Variants in CNTN5 observed in about 807,000 individuals in gnomAD.
The protein encoded by CNTN5 is contactin 5.
CNTN5 carries 77 observed loss-of-function variants against 129.1 expected under a neutral mutation model. That is an observed-to-expected ratio of 0.60 (90% CI 0.50 to 0.72). CNTN5 has a LOEUF of 0.72. Among genes scored for constraint, CNTN5 ranks in the 30% least tolerant of loss-of-function variants. The pLI, the probability that CNTN5 is intolerant of heterozygous loss-of-function variation, is 0.00. For synonymous variants in CNTN5, 509 were observed against 465.6 expected (o/e 1.09, Z -1.20); for missense variants, 1,478 against 1,328.8 (o/e 1.11, Z -1.75).
At chr11:99,286,042 A>G (rs1481708839) in intron 1 of CNTN5, among the ~76,000 whole-genome samples, 2 of 143,514 alleles carry the variant, frequency 1.4e-5, no homozygotes, top group Admixed American at 6.9e-5. Context: ...CATCTGGAGA[A>G]AAAAAAAAAA....
intron 1 of CNTN5, among the ~76,000 whole-genome samples, chr11:99,071,159 A>C (rs1865325749): frequency 6.6e-6 from 1 of 152,130 alleles, no homozygotes; most frequent in South Asian, 2.1e-4. Flanking sequence ...CTGCATTTAT[A>C]AGTGTGGAAA....
intron 10 of CNTN5, among the ~76,000 whole-genome samples, chr11:100,063,697 A>T (rs941413271): frequency 7.5e-6 from 1 of 133,772 alleles, no homozygotes; most frequent in African/African-American, 2.8e-5. Context: ...TAGCAGCTGA[A>T]CCTGTCTCTA....
At chr11:100,019,563 A>G (rs1160737995) in intron 9 of CNTN5, among the ~76,000 whole-genome samples, 1 of 151,920 alleles carries the variant, frequency 6.6e-6, no homozygotes, top group East Asian at 1.9e-4. Flanking sequence ...CATTATGTAT[A>G]TATATCACCT....
chr11:99,644,818 A>T (rs1951892205), intron 3 of CNTN5, among the ~76,000 whole-genome samples: 1 of 152,110 alleles, frequency 6.6e-6, no homozygotes, highest in Non-Finnish European at 1.5e-5. Flanking sequence ...ACACTAAAGG[A>T]ACTATACAAC....
At chr11:99,297,839 T>C (rs1864455273) in intron 1 of CNTN5, among the ~76,000 whole-genome samples, 1 of 152,128 alleles carries the variant, frequency 6.6e-6, no homozygotes, top group South Asian at 2.1e-4. Context: ...CCCTGCAATA[T>C]TAGCGCTTAC....
At chr11:99,145,129 G>T (rs1174853753) in intron 1 of CNTN5, among the ~76,000 whole-genome samples, 5 of 152,104 alleles carry the variant, frequency 3.3e-5, no homozygotes, top group Non-Finnish European at 5.9e-5. Flanking sequence ...GAGTGCAGTG[G>T]TGTGATCTCA....
chr11:99,172,914 G>C (rs1396133727), intron 1 of CNTN5, among the ~76,000 whole-genome samples: 3 of 152,180 alleles, frequency 2.0e-5, no homozygotes, highest in Admixed American at 2.0e-4. Flanking sequence ...TGCTTATAAA[G>C]ATATACCCGA....
chr11:99,116,322 A>G (rs1858043722), intron 1 of CNTN5, among the ~76,000 whole-genome samples: 1 of 152,190 alleles, frequency 6.6e-6, no homozygotes, highest in Non-Finnish European at 1.5e-5. Flanking sequence ...CACTGTGAAT[A>G]GTAGATTAAC....
At chr11:100,007,484 A>G (rs3909276) in intron 9 of CNTN5, among the ~76,000 whole-genome samples, 56,790 of 152,034 alleles carry the variant, frequency 0.37, 12,013 homozygotes, top group African/African-American at 0.57. Context: ...AAGTTTTCAC[A>G]TCAGCACTTG....
At position 99,235,041 on chromosome 11, in the gene CNTN5, C is replaced by T. The variant is rs540965996; in HGVS notation, c.-209-90305C>T. ...TATAACACAAAGGAGGAAATGAAAC[C>T]TACCCTTTTTCTTTTTTTGGAAATC... On this transcript the variant is annotated intron_variant, in intron 1 of 24. Transcript: ENST00000524871. Among the ~76,000 whole-genome samples the T allele has an allele frequency of 2.8e-4, 21 of 74,960 alleles. 1 individual carries two copies. In the South Asian group the frequency reaches 0.01, roughly 36 times the overall value. 49.2% of individuals were successfully genotyped at this position (74,960 alleles called of 152,430 possible). A position where few individuals can be genotyped will look rare whatever the true frequency, so the allele number is the denominator to read the frequency against.
In CNTN5 at chr11:99,553,991, CACACAT is replaced by C. The variant is rs1444905907; in HGVS notation, c.-70-2148_-70-2143del. ...ACACACACACACACACACACACACA[CACACAT>C]ACACACACACACACTTCTTCTTTTA... On this transcript the variant is annotated intron_variant, in intron 2 of 24. Coordinates refer to ENST00000524871, the MANE Select transcript of CNTN5 (RefSeq NM_014361.4). 5.6e-3 allele frequency among the ~76,000 whole-genome samples: 569 copies of C among 101,278 alleles called. 1 individual carries two copies. Among genetic ancestry groups the C allele is most frequent in the African/African-American group, 0.02 (490 of 24,110 alleles). 66.4% of individuals were successfully genotyped at this position (101,278 alleles called of 152,430 possible).
intron 3 of CNTN5, among the ~76,000 whole-genome samples, chr11:99,658,430 T>G (rs1952462514): frequency 6.6e-6 from 1 of 152,070 alleles, no homozygotes; most frequent in African/African-American, 2.4e-5. Flanking sequence ...AAATTTTATA[T>G]TCCAGTTTTT....
intron 3 of CNTN5, among the ~76,000 whole-genome samples, chr11:99,635,504 C>A (rs941062773): frequency 6.6e-6 from 1 of 151,768 alleles, no homozygotes; most frequent in African/African-American, 2.4e-5. Flanking sequence ...ACAAATTGAG[C>A]CTACTACATA....
chr11:99,482,391 A>G (rs565437007), intron 2 of CNTN5, among the ~76,000 whole-genome samples: 3 of 152,298 alleles, frequency 2.0e-5, no homozygotes, highest in South Asian at 2.1e-4. Flanking sequence ...CTTCTCAACT[A>G]GTATCATTTT....
chr11:100,177,072 A>G (rs973433641), intron 13 of CNTN5, among the ~76,000 whole-genome samples: 1 of 152,222 alleles, frequency 6.6e-6, no homozygotes, highest in Non-Finnish European at 1.5e-5. Context: ...AAGAGTGATC[A>G]GATTTGTAAT....
At chr11:100,091,948 T>A (rs1213052230) in intron 13 of CNTN5, among the ~76,000 whole-genome samples, 1 of 151,958 alleles carries the variant, frequency 6.6e-6, no homozygotes, top group African/African-American at 2.4e-5. Flanking sequence ...GTGTAGATGG[T>A]AATAGCTCAA....
chr11:99,511,034 G>A (rs1946815125), intron 2 of CNTN5, among the ~76,000 whole-genome samples: 2 of 151,998 alleles, frequency 1.3e-5, no homozygotes, highest in Admixed American at 6.6e-5. Flanking sequence ...CGGCTGATGT[G>A]TTTGTTTATG....
chr11:99,851,683 C>G (rs1947878448), intron 6 of CNTN5, among the ~76,000 whole-genome samples: 1 of 152,230 alleles, frequency 6.6e-6, no homozygotes, highest in African/African-American at 2.4e-5. Context: ...TTTGAACATA[C>G]TGCTTTTCAG....
intron 1 of CNTN5, among the ~76,000 whole-genome samples, chr11:99,232,854 T>C (rs747242119): frequency 3.3e-5 from 5 of 152,184 alleles, no homozygotes; most frequent in Non-Finnish European, 4.4e-5. Flanking sequence ...GATTTCCCAA[T>C]TGAATTCATC....
Sources: allele counts gnomAD v4.1 joint callset (sites outside exome capture counted in the v4.1 genomes callset), GRCh38; gene constraint gnomAD v4.1.1; transcripts MANE v1.5; gene names NCBI Gene and HGNC (gene_info 2026-07-23, HGNC 2026-07-21).